TUSC3: variants seen among roughly 807,000 people sequenced by gnomAD.
The protein encoded by TUSC3 is tumor suppressor candidate 3, also known as dolichyl-diphosphooligosaccharide--protein glycosyltransferase subunit TUSC3.
Under a neutral mutation model 44.8 loss-of-function variants are expected in TUSC3, and 45 were observed. That is an observed-to-expected ratio of 1.00 (90% CI 0.79 to 1.29). The LOEUF (loss-of-function observed/expected upper bound fraction) is 1.29, where lower values mean the gene tolerates loss of function less well. TUSC3 is among the 50% of genes most tolerant of loss of function. The probability of loss-of-function intolerance (pLI) is 0.00; values close to 1 mark genes in which losing one functional copy is unlikely to be tolerated. For missense variants in TUSC3, 519 were observed against 437.9 expected (o/e 1.19, Z -1.65); for synonymous variants, 212 against 152.9 (o/e 1.39, Z -2.85).
intron 6 of TUSC3, among the ~76,000 whole-genome samples, chr8:15,717,741 C>G (rs1480921042): frequency 1.3e-5 from 2 of 151,992 alleles, no homozygotes; most frequent in Non-Finnish European, 2.9e-5. Context: ...TCATTTTGTA[C>G]CATGTAACTT....
intron 2 of TUSC3, among the ~76,000 whole-genome samples, chr8:15,637,405 TACTA>T (rs1283564649): frequency 2.0e-5 from 3 of 152,312 alleles, no homozygotes; most frequent in East Asian, 3.9e-4. Flanking sequence ...TCCTGAGTCT[TACTA>T]ACTGTGATAT....
intron 5 of TUSC3, among the ~76,000 whole-genome samples, chr8:15,670,728 A>G (rs1398734032): frequency 1.3e-5 from 2 of 151,840 alleles, no homozygotes; most frequent in East Asian, 3.9e-4. Context: ...TGTCAAAAAC[A>G]CCATTAATAA....
intron 2 of TUSC3, among the ~76,000 whole-genome samples, chr8:15,632,192 A>C (rs1206651195): frequency 6.6e-6 from 1 of 152,142 alleles, no homozygotes; most frequent in Non-Finnish European, 1.5e-5. Context: ...TACATTTGTT[A>C]CACCTCTTTC....
chr8:15,618,210 A>G (rs759715465), intron 1 of TUSC3, among the ~76,000 whole-genome samples: 10 of 152,212 alleles, frequency 6.6e-5, no homozygotes, highest in Non-Finnish European at 1.3e-4. Context: ...TGTAGACTCT[A>G]TAAACACTGC....
intron 6 of TUSC3, among the ~76,000 whole-genome samples, chr8:15,701,963 G>C (rs569580126): frequency 1.3e-5 from 2 of 152,252 alleles, no homozygotes; most frequent in African/African-American, 2.4e-5. Context: ...AAACTACTAA[G>C]TCATGTTGAC....
At chr8:15,780,301 G>A in the TUSC3 span, among the ~76,000 whole-genome samples, 3 of 152,276 alleles carry the variant, frequency 2.0e-5, no homozygotes, top group African/African-American at 7.2e-5. Flanking sequence ...CAGTTGGAAA[G>A]GAATTCCTAA....
At chr8:15,439,428 G>A (rs912987587) in intron 1 of TUSC3, among the ~76,000 whole-genome samples, 25 of 152,176 alleles carry the variant, frequency 1.6e-4, no homozygotes, top group Admixed American at 1.6e-3. Flanking sequence ...GTTGTAGGAT[G>A]TTCCTGTAGT....
At chr8:15,824,351 T>C in the TUSC3 span, among the ~76,000 whole-genome samples, 372 of 152,250 alleles carry the variant, frequency 2.4e-3, 1 homozygote, top group Non-Finnish European at 4.0e-3. Flanking sequence ...GGCAACTCCA[T>C]TGGCAAGGTA....
intron 6 of TUSC3, among the ~76,000 whole-genome samples, chr8:15,679,542 T>C (rs561212069): frequency 6.6e-6 from 1 of 152,306 alleles, no homozygotes; most frequent in East Asian, 1.9e-4. Context: ...GTTGTGTAGG[T>C]TGTCAATTTA....
chr8:15,567,978 GTTT>G (rs982809608), intron 1 of TUSC3, among the ~76,000 whole-genome samples: 1 of 151,990 alleles, frequency 6.6e-6, no homozygotes, highest in African/African-American at 2.4e-5. Context: ...TCTCCTCTTT[GTTT>G]TCATGTTAAC....
intron 2 of TUSC3, among the ~76,000 whole-genome samples, chr8:15,498,757 G>A (rs2129126658): frequency 6.6e-6 from 1 of 152,218 alleles, no homozygotes; most frequent in African/African-American, 2.4e-5. Context: ...TGAAATAAGG[G>A]TTTTCTTCCT....
intron 2 of TUSC3, among the ~76,000 whole-genome samples, chr8:15,505,349 A>G (rs76934792): frequency 0.037 from 5,626 of 152,318 alleles, 323 homozygotes; most frequent in African/African-American, 0.13. Flanking sequence ...ATGTGTTATA[A>G]TGGCATTGTG....
At chr8:15,648,756 AGAC>A (rs796407695) in intron 2 of TUSC3, among the ~76,000 whole-genome samples, 12 of 135,910 alleles carry the variant, frequency 8.8e-5, no homozygotes, top group African/African-American at 3.2e-4. Context: ...AAAAAAAAAA[AGAC>A]ATCTCCTGTT....
downstream of TUSC3, among the ~76,000 whole-genome samples, chr8:15,768,746 C>G (rs574361028): frequency 3.9e-5 from 6 of 152,278 alleles, no homozygotes; most frequent in Admixed American, 6.5e-5. Context: ...AGAAAAGTCT[C>G]AGGATACAAA....
chr8:15,455,895 G>A (rs981365294), intron 1 of TUSC3, among the ~76,000 whole-genome samples: 1 of 152,198 alleles, frequency 6.6e-6, no homozygotes, highest in Non-Finnish European at 1.5e-5. Context: ...CTGCTAAAGT[G>A]TAGCTTCCCC....
chr8:15,430,534 C>T (rs1260222824), intron 1 of TUSC3, among the ~76,000 whole-genome samples: 2 of 150,938 alleles, frequency 1.3e-5, no homozygotes, highest in African/African-American at 4.9e-5. Flanking sequence ...ACTGAATGGG[C>T]AAAAACTGGA....
intron 2 of TUSC3, among the ~76,000 whole-genome samples, chr8:15,648,133 C>CACAGAAA: frequency 6.6e-6 from 1 of 152,292 alleles, no homozygotes; most frequent in Non-Finnish European, 1.5e-5. Flanking sequence ...TTACTGGACT[C>CACAGAAA]TAGGTCCTTC....
chr8:15,647,447 A>T (rs1029273556), intron 2 of TUSC3, among the ~76,000 whole-genome samples: 2 of 151,958 alleles, frequency 1.3e-5, no homozygotes, highest in Non-Finnish European at 2.9e-5. Flanking sequence ...CTATAGATTT[A>T]ATATGTTCTA....
chr8:15,425,594 T>C (rs1422443749), intron 1 of TUSC3, among the ~76,000 whole-genome samples: 4 of 152,336 alleles, frequency 2.6e-5, no homozygotes, highest in Non-Finnish European at 5.9e-5. Flanking sequence ...GAAGTTTGTA[T>C]GTAAGTTCAA....
Sources: allele counts gnomAD v4.1 joint callset (sites outside exome capture counted in the v4.1 genomes callset), GRCh38; gene constraint gnomAD v4.1.1; transcripts MANE v1.5; gene names NCBI Gene and HGNC (gene_info 2026-07-23, HGNC 2026-07-21).